Variants in ATP13A5 observed in about 807,000 individuals in gnomAD.
ATP13A5 encodes probable cation-transporting ATPase 13A5.
ATP13A5 carries 149 observed loss-of-function variants against 150.2 expected under a neutral mutation model. That is an observed-to-expected ratio of 0.99 (90% CI 0.87 to 1.14). The LOEUF (loss-of-function observed/expected upper bound fraction) is 1.14, where lower values mean the gene tolerates loss of function less well. ATP13A5 is among the 50% of genes most tolerant of loss of function. The pLI is 0.00. For synonymous variants in ATP13A5, 497 were observed against 522.2 expected (o/e 0.95, Z 0.66); for missense variants, 1,383 against 1,449.3 (o/e 0.95, Z 0.74).
rs57617984 is a variant in ATP13A5 at position 193,279,976 on chromosome 3, T to TAAAAA, written c.3227-527_3227-523dup. Among the ~76,000 whole-genome samples the TAAAAA allele has an allele frequency of 4.6e-3, 277 of 59,898 alleles. 55 individuals are homozygous for TAAAAA. The highest frequency in any genetic ancestry group is 0.023 in the East Asian group (35 of 1,528). The allele number at this position is 59,898 out of a possible 152,430, so 39.3% of individuals were successfully genotyped here. On this transcript the variant is annotated intron_variant, in intron 27 of 29. Transcript: ENST00000342358. ...CACTCTCTAGCTTCTGTGTCTTTGT[T>TAAAAA]AAAAAAAAAAAAAAAAAAAAAAAAA... is the stretch of plus-strand genomic sequence containing the variant.
intron 5 of ATP13A5, among the ~76,000 whole-genome samples, chr3:193,357,176 A>C (rs1211792936): frequency 6.6e-6 from 1 of 152,190 alleles, no homozygotes; most frequent in African/African-American, 2.4e-5. Context: ...TGTCTGACCT[A>C]GAGGATATTC....
At chr3:193,333,594 T>C (rs1309865304) in intron 11 of ATP13A5, among the ~76,000 whole-genome samples, 156 bp downstream of exon 11, 1 of 152,218 alleles carries the variant, frequency 6.6e-6, no homozygotes, top group African/African-American at 2.4e-5. Flanking sequence ...GGGGGCAAAC[T>C]AGGCATGAGA....
At chr3:193,288,404 C>T (rs1717811442) in intron 26 of ATP13A5, among the ~76,000 whole-genome samples, 1 of 152,146 alleles carries the variant, frequency 6.6e-6, no homozygotes. Flanking sequence ...CCCCAACCTT[C>T]AACAACCACT....
At chr3:193,354,892 G>A (rs1189503857) in intron 5 of ATP13A5, among the ~76,000 whole-genome samples, 2 of 150,334 alleles carry the variant, frequency 1.3e-5, no homozygotes, top group East Asian at 3.9e-4. Flanking sequence ...ATTCAGTGCG[G>A]CATGTAGCCA....
intron 26 of ATP13A5, among the ~76,000 whole-genome samples, chr3:193,289,213 A>AT (rs1717845861): frequency 6.6e-6 from 1 of 152,112 alleles, no homozygotes; most frequent in African/African-American, 2.4e-5. Context: ...TGTCAGCAAA[A>AT]TAAAGCTTGA....
At chr3:193,309,622 T>G (rs1460906718) in intron 21 of ATP13A5, among the ~76,000 whole-genome samples, 1 of 152,196 alleles carries the variant, frequency 6.6e-6, no homozygotes. Flanking sequence ...AACATCCGTC[T>G]TGTGTGCTCT....
At chr3:193,334,064 A>C (rs556858949) in intron 10 of ATP13A5, among the ~76,000 whole-genome samples, 157 bp from the exon 11 acceptor site, 5 of 152,192 alleles carry the variant, frequency 3.3e-5, no homozygotes, top group African/African-American at 1.2e-4. Context: ...ATTTTTAACC[A>C]TGAGCTTCCA....
At chr3:193,334,336 G>T (rs1038238047) in intron 10 of ATP13A5, among the ~76,000 whole-genome samples, 21 of 152,288 alleles carry the variant, frequency 1.4e-4, no homozygotes, top group African/African-American at 4.8e-4. Context: ...TCATGTAAAA[G>T]ACTGGGACTC....
intron 28 of ATP13A5, among the ~76,000 whole-genome samples, chr3:193,278,414 C>G (rs1717324108): frequency 6.6e-6 from 1 of 152,168 alleles, no homozygotes; most frequent in Admixed American, 6.5e-5. Flanking sequence ...CCATCCATGC[C>G]TGCCTTTATT....
Position 193,297,434 on chromosome 3 carries a change from G to A in ATP13A5, c.2848+1697C>T, listed in dbSNP as rs6798621. On this transcript the variant is annotated intron_variant, in intron 25 of 29. Coordinates refer to ENST00000342358, the MANE Select transcript of ATP13A5 (RefSeq NM_198505.4). ...GTGGGATGAGTAAGTTTGCAGAGAC[G>A]GGAAAACAATAGGATGTTTGCAGGT... is the stretch of plus-strand genomic sequence containing the variant. 9.5e-3 allele frequency among the ~76,000 whole-genome samples: 1,446 copies of A among 152,046 alleles called. 21 individuals carry two copies. The highest frequency in any genetic ancestry group is 0.033 in the African/African-American group (1,382 of 41,488).
Position 193,331,137 on chromosome 3 carries a change from C to A in ATP13A5, c.1447G>T (p.Val483Leu), listed in dbSNP as rs770785275. The change falls in exon 12 of 30, where the codon GTG becomes TTG. Residue 483 changes from valine to leucine, a missense_variant. Val to Leu is a conservative substitution (Grantham distance 32, BLOSUM62 1). Around this residue, in one of 3 missense-constraint regions of ATP13A5, gnomAD observed 787 missense variants for 771.9 expected, o/e 1.02. Transcript: ENST00000342358. ...RINMCGQINL[V>L]CFDKTGTLTE... ...CTGGATCATACTTTGTCAAAGCACACGAGGTTTATTTGCCCACACATGTTG... is the reference window on the plus strand; with the variant it reads ...CTGGATCATACTTTGTCAAAGCACAAGAGGTTTATTTGCCCACACATGTTG... 2.9e-5 allele frequency: 46 copies of A among 1,613,652 alleles called. No homozygotes were observed. Among genetic ancestry groups the A allele is most frequent in the Non-Finnish European group, 3.8e-5 (45 of 1,179,706 alleles).
At chr3:193,376,092 G>A (rs1713631965) in intron 1 of ATP13A5, among the ~76,000 whole-genome samples, 1 of 152,192 alleles carries the variant, frequency 6.6e-6, no homozygotes, top group Admixed American at 6.5e-5. Context: ...ACTAAACCAT[G>A]CCCAGGTTTA....
At chr3:193,323,260 T>C (rs542861738) in intron 14 of ATP13A5, 3 of 152,262 alleles carry the variant, frequency 2.0e-5, no homozygotes, top group African/African-American at 7.2e-5. Flanking sequence ...CAATTTCTTC[T>C]GAAAAATATT....
chr3:193,370,493 C>T (rs1713401759), intron 1 of ATP13A5, among the ~76,000 whole-genome samples: 2 of 152,146 alleles, frequency 1.3e-5, no homozygotes, highest in Non-Finnish European at 2.9e-5. Context: ...GAGGATATGG[C>T]ATGGGAAAAC....
intron 5 of ATP13A5, among the ~76,000 whole-genome samples, chr3:193,355,351 T>A (rs1402585194): frequency 6.6e-6 from 1 of 152,178 alleles, no homozygotes; most frequent in African/African-American, 2.4e-5. Context: ...TAGCACTTAT[T>A]GTAATAGAAA....
At chr3:193,292,720 A>G (rs141928492) in intron 25 of ATP13A5, among the ~76,000 whole-genome samples, 353 of 152,274 alleles carry the variant, frequency 2.3e-3, no homozygotes, top group African/African-American at 7.8e-3. Context: ...GAGCTGACCT[A>G]GATCAGCTAA....
chr3:193,369,770 G>A (rs747622875), intron 1 of ATP13A5, among the ~76,000 whole-genome samples: 1 of 152,158 alleles, frequency 6.6e-6, no homozygotes, highest in Non-Finnish European at 1.5e-5. Context: ...CCTGTGAGCT[G>A]AGGATTTAAC....
At chr3:193,347,524 C>CTTTTTTTTTTTTTT (rs1553820269) in intron 7 of ATP13A5, among the ~76,000 whole-genome samples, 37 of 145,426 alleles carry the variant, frequency 2.5e-4, no homozygotes, top group African/African-American at 9.2e-4. Flanking sequence ...CCTTAGATTT[C>CTTTTTTTTTTTTTT]TTTTTTTTTT....
At chr3:193,336,785 A>G (rs1346387352) in intron 9 of ATP13A5, among the ~76,000 whole-genome samples, 1 of 151,924 alleles carries the variant, frequency 6.6e-6, no homozygotes, top group African/African-American at 2.4e-5. Flanking sequence ...TGGTATTTCT[A>G]GTTCTAGATC....
Sources: gnomAD v4.1 joint callset for allele counts (sites outside exome capture counted in the v4.1 genomes callset) on GRCh38, gnomAD v4.1.1 for gene constraint, gnomAD v4.1.1 regional missense constraint, MANE v1.5 for transcripts, NCBI Gene and HGNC (gene_info 2026-07-23, HGNC 2026-07-21) for gene names.